The following NLGN4X variants were observed in gnomAD, a reference collection of about 807,000 sequenced individuals.
NLGN4X encodes neuroligin 4 X-linked.
NLGN4X carries 3 observed loss-of-function variants against 40.3 expected under a neutral mutation model. The observed-to-expected ratio is 0.07, with a 90% confidence interval of 0.03 to 0.19. The LOEUF is 0.19. Among genes scored for constraint, NLGN4X ranks in the 10% least tolerant of loss-of-function variants. The pLI, the probability that NLGN4X is intolerant of heterozygous loss-of-function variation, is 1.00. For missense variants in NLGN4X, 382 were observed against 708.3 expected (o/e 0.54, Z 5.23); for synonymous variants, 270 against 306.8 (o/e 0.88, Z 1.25).
intron 1 of NLGN4X, among the ~76,000 whole-genome samples, chrX:6,228,097 A>AT (rs1395317539): frequency 9.2e-6 from 1 of 108,384 alleles, no homozygotes; most frequent in Non-Finnish European, 1.9e-5. Flanking sequence ...ATACATATAT[A>AT]TTTTTTTCCT....
At chrX:6,227,520 C>G (rs985515889) in intron 1 of NLGN4X, among the ~76,000 whole-genome samples, 1 of 110,051 alleles carries the variant, frequency 9.1e-6, no homozygotes, top group Non-Finnish European at 1.9e-5. Flanking sequence ...CCCCCGCGCC[C>G]CCCTCAAAGG....
Position 6,113,017 on chromosome X carries a change from C to G in NLGN4X, c.472+37978G>C, listed in dbSNP as rs899924175. 3.6e-5 allele frequency among the ~76,000 whole-genome samples: 4 copies of G among 110,276 alleles called. No homozygotes were observed. The Admixed American group carries it at 3.9e-4, about 11-fold the overall frequency. The stretch of plus-strand genomic sequence containing the variant: ...ACCATGAGAAAAACATCAGACAAAC[C>G]AAACAAGGTACCAATCCCGTGACCA... On this transcript the variant is annotated intron_variant, in intron 2 of 5. Coordinates refer to ENST00000381095, the MANE Select transcript of NLGN4X (RefSeq NM_181332.3).
At chrX:6,021,453 C>T (rs1045303787) in intron 3 of NLGN4X, among the ~76,000 whole-genome samples, 4 of 110,660 alleles carry the variant, frequency 3.6e-5, no homozygotes, top group Non-Finnish European at 7.6e-5. Context: ...AAGCACTCAT[C>T]CTTAATTTCC....
intron 2 of NLGN4X, among the ~76,000 whole-genome samples, chrX:6,108,226 A>G (rs2147517698): frequency 8.9e-6 from 1 of 112,348 alleles, no homozygotes; most frequent in African/African-American, 3.2e-5. Context: ...GCCCAACACT[A>G]ATGTTGATGT....
intron 1 of NLGN4X, among the ~76,000 whole-genome samples, chrX:6,180,522 T>A (rs1393002812): frequency 8.9e-6 from 1 of 111,838 alleles, no homozygotes; most frequent in Non-Finnish European, 1.9e-5. Context: ...TTCCTGTACA[T>A]CCTGCAGAAC....
chrX:5,899,635 T>G (rs999645028), intron 5 of NLGN4X, among the ~76,000 whole-genome samples: 31 of 110,869 alleles, frequency 2.8e-4, no homozygotes, highest in African/African-American at 8.5e-4. Flanking sequence ...TCAGCAGTGA[T>G]AACGATCACC....
chrX:6,004,407 CA>C (rs1390142903), intron 3 of NLGN4X, among the ~76,000 whole-genome samples: 1 of 111,202 alleles, frequency 9.0e-6, no homozygotes, highest in African/African-American at 3.3e-5. Context: ...AAAATGAAAA[CA>C]AAACTTTTCC....
chrX:5,985,943 A>C (rs1445309591), intron 3 of NLGN4X, among the ~76,000 whole-genome samples: 1 of 112,305 alleles, frequency 8.9e-6, no homozygotes, highest in Non-Finnish European at 1.9e-5. Flanking sequence ...CAATGCAATA[A>C]AAATTCTAGA....
At chrX:6,093,539 A>G (rs2038690341) in intron 2 of NLGN4X, among the ~76,000 whole-genome samples, 1 of 111,988 alleles carries the variant, frequency 8.9e-6, no homozygotes, top group Non-Finnish European at 1.9e-5. Context: ...GAAATCCGAA[A>G]GATTAAAATA....
At chrX:6,083,556 A>T (rs1281635329) in intron 2 of NLGN4X, among the ~76,000 whole-genome samples, 1 of 112,237 alleles carries the variant, frequency 8.9e-6, no homozygotes, top group Non-Finnish European at 1.9e-5. Context: ...TAGGAGGCAG[A>T]AGAGTAATGG....
chrX:6,009,774 G>A (rs2036199621), intron 3 of NLGN4X, among the ~76,000 whole-genome samples: 1 of 112,260 alleles, frequency 8.9e-6, no homozygotes, highest in Admixed American at 9.4e-5. Flanking sequence ...TTTCAAATGT[G>A]GTTGGTTGTC....
At chrX:6,172,604 T>C (rs775912822) in intron 1 of NLGN4X, among the ~76,000 whole-genome samples, 2 of 112,228 alleles carry the variant, frequency 1.8e-5, no homozygotes, top group African/African-American at 6.5e-5. Context: ...TTAGAAATTT[T>C]GTCTCTTGTT....
intron 3 of NLGN4X, among the ~76,000 whole-genome samples, chrX:5,977,992 C>G (rs751444479): frequency 8.9e-6 from 1 of 112,181 alleles, no homozygotes; most frequent in African/African-American, 3.2e-5. Context: ...AGGAAAACGG[C>G]TGGTGCATTG....
Position 5,890,758 on chromosome X carries a change from T to C in NLGN4X, c.*2059A>G, listed in dbSNP as rs1030265859. The C allele has an allele frequency of 1.6e-4, 47 of 300,413 alleles. No individual in the cohort carries two copies. Among genetic ancestry groups the C allele is most frequent in the African/African-American group, 1.3e-3 (47 of 36,803 alleles). 24.8% of individuals were successfully genotyped at this position (300,413 alleles called of 1,213,427 possible). A position where few individuals can be genotyped will look rare whatever the true frequency, so the allele number is the denominator to read the frequency against. On this transcript the variant is annotated 3_prime_UTR_variant, in exon 6 of 6. Coordinates refer to ENST00000381095, the MANE Select transcript of NLGN4X (RefSeq NM_181332.3). The stretch of plus-strand genomic sequence containing the variant: ...GATAATAATATTTCACATATTTATA[T>C]ACAGAGAATCACTCTCAAATTTAAC...
intron 4 of NLGN4X, among the ~76,000 whole-genome samples, chrX:5,907,995 G>C (rs1169830100): frequency 1.1e-5 from 1 of 92,555 alleles, no homozygotes; most frequent in Non-Finnish European, 2.1e-5. Flanking sequence ...AGGAGAGAGA[G>C]GAAGAGAGAG....
intron 1 of NLGN4X, among the ~76,000 whole-genome samples, chrX:6,195,543 T>C (rs1462070067): frequency 8.9e-6 from 1 of 112,676 alleles, no homozygotes; most frequent in Non-Finnish European, 1.9e-5. Flanking sequence ...CCATGATGCA[T>C]GAGTGTGCAT....
In NLGN4X at chrX:5,972,945, G is replaced by A. The variant is rs764601254; in HGVS notation, c.625+56335C>T. Among the ~76,000 whole-genome samples, 11 of 111,958 alleles carry A rather than the reference G, an allele frequency of 9.8e-5. No homozygotes were observed. In the South Asian group the frequency reaches 3.7e-3, roughly 38 times the overall value. ...GAAATTTATCAGAAAGCCAACTGTT[G>A]CAACAGCTAACAGATCAATTATTTT... On this transcript the variant is annotated intron_variant, in intron 3 of 5. Transcript: ENST00000381095.
At chrX:6,185,592 T>C (rs186370649) in intron 1 of NLGN4X, among the ~76,000 whole-genome samples, 90 of 111,798 alleles carry the variant, frequency 8.1e-4, no homozygotes, top group Admixed American at 3.1e-3. Context: ...CCACAAAAAA[T>C]AGAATCCAGG....
At chrX:6,166,804 G>A (rs1477189128) in intron 1 of NLGN4X, among the ~76,000 whole-genome samples, 2 of 111,311 alleles carry the variant, frequency 1.8e-5, no homozygotes, top group Non-Finnish European at 1.9e-5. Context: ...AGGCAACATG[G>A]CTCATGCCTA....
Sources: allele counts gnomAD v4.1 joint callset (sites outside exome capture counted in the v4.1 genomes callset), GRCh38; gene constraint gnomAD v4.1.1; transcripts MANE v1.5; gene names NCBI Gene and HGNC (gene_info 2026-07-23, HGNC 2026-07-21).